USP31: variants seen among roughly 807,000 people sequenced by gnomAD.
The protein encoded by USP31 is ubiquitin specific peptidase 31.
USP31 carries 44 observed loss-of-function variants against 119.4 expected under a neutral mutation model. The ratio of observed to expected loss-of-function variants is 0.37; its 90% CI spans 0.29 to 0.47. USP31 has a LOEUF of 0.47. USP31 is among the 20% of genes least tolerant of loss of function. USP31 has a pLI of 0.99. For missense variants in USP31, 1,643 were observed against 1,730.2 expected, an observed-to-expected ratio of 0.95 and a Z score of 0.89; for synonymous variants, 749 against 705.6, an observed-to-expected ratio of 1.06 and a Z score of -0.97.
At chr16:23,138,971 C>T (rs1346652807) in intron 1 of USP31, among the ~76,000 whole-genome samples, 2 of 152,210 alleles carry the variant, frequency 1.3e-5, no homozygotes, top group African/African-American at 2.4e-5. Flanking sequence ...GCATGGGCCA[C>T]TTCACTCATC....
intron 1 of USP31, among the ~76,000 whole-genome samples, chr16:23,110,735 A>T (rs1393876986): frequency 6.6e-6 from 1 of 152,204 alleles, no homozygotes; most frequent in Non-Finnish European, 1.5e-5. Flanking sequence ...ATAATGACTC[A>T]GTGTGATGAA....
At chr16:23,108,825 G>C (rs1338029997) in intron 1 of USP31, among the ~76,000 whole-genome samples, 1 of 151,964 alleles carries the variant, frequency 6.6e-6, no homozygotes, top group Admixed American at 6.6e-5. Context: ...TAAAAGTTTT[G>C]TTTCAAACTT....
Position 23,113,780 on chromosome 16 carries a change from A to AG in USP31, c.634-5598dup, listed in dbSNP as rs1213998905. On this transcript the variant is annotated intron_variant, in intron 1 of 15. Coordinates refer to ENST00000219689, the MANE Select transcript of USP31 (RefSeq NM_020718.4). Reference sequence around the variant, plus strand: ...GCAGAGGGACCCACAGGCTAAGGGAAGAGCTAACAGAAAGGAGATATCTGA... The same window carrying AG: ...GCAGAGGGACCCACAGGCTAAGGGAAGGAGCTAACAGAAAGGAGATATCTGA... 2.0e-5 allele frequency among the ~76,000 whole-genome samples: 3 copies of AG among 152,170 alleles called. No homozygotes were observed. The East Asian group carries it at 5.8e-4, about 29-fold the overall frequency.
At position 23,149,131 on chromosome 16, in the gene USP31, G is replaced by A. The variant is rs1219767049; in HGVS notation, c.140C>T (p.Ala47Val). Residue 47 changes from alanine (A) to valine (V), a missense_variant, in exon 1 of 16, where the codon GCC (alanine) becomes GTC (valine). By Grantham distance (64) the Ala-to-Val change is moderately conservative. Around this residue, in one of 5 missense-constraint regions of USP31, gnomAD observed 302 missense variants for 262.6 expected, o/e 1.15. Coordinates refer to ENST00000219689, the MANE Select transcript of USP31 (RefSeq NM_020718.4). Reference sequence around the variant, plus strand: ...GGGCGAGGAGGGCGAGGAAGGCGCGGCCGGCCCGGACGCCCCGGGGCCCCC... The same window carrying A: ...GGGCGAGGAGGGCGAGGAAGGCGCGACCGGCCCGGACGCCCCGGGGCCCCC... ...GAGGPGASGP[A>V]APSSPSSPSS... is the part of the protein sequence containing the mutation. 3.2e-6 allele frequency: 4 copies of A among 1,250,242 alleles called. No individual in the cohort carries two copies. The highest frequency in any genetic ancestry group is 2.9e-5 in the Admixed American group (1 of 34,366). The allele number at this position is 1,250,242 out of a possible 1,614,324, so 77.4% of individuals were successfully genotyped here. A position where few individuals can be genotyped will look rare whatever the true frequency, so the allele number is the denominator to read the frequency against.
At chr16:23,077,297 G>A (rs1421906297) in intron 13 of USP31, among the ~76,000 whole-genome samples, 1 of 152,146 alleles carries the variant, frequency 6.6e-6, no homozygotes, top group Non-Finnish European at 1.5e-5. Flanking sequence ...AATATTTAAA[G>A]AACTTCAGGC....
At chr16:23,143,926 A>G (rs1221520371) in intron 1 of USP31, among the ~76,000 whole-genome samples, 1 of 152,166 alleles carries the variant, frequency 6.6e-6, no homozygotes, top group Non-Finnish European at 1.5e-5. Context: ...CCGTGTTGAA[A>G]ACCAGTGCTC....
chr16:23,091,863 C>T (rs2141854293), intron 6 of USP31, among the ~76,000 whole-genome samples: 1 of 152,298 alleles, frequency 6.6e-6, no homozygotes, highest in South Asian at 2.1e-4. Context: ...AGGAGTAGAT[C>T]TTACTTCCTA....
chr16:23,095,481 T>C (rs1043358701), intron 6 of USP31, among the ~76,000 whole-genome samples: 6 of 152,060 alleles, frequency 3.9e-5, no homozygotes, highest in Non-Finnish European at 7.4e-5. Context: ...ACATTCAAAT[T>C]CAGGAAATAT....
At chr16:23,110,550 A>T (rs1479960009) in intron 1 of USP31, among the ~76,000 whole-genome samples, 1 of 152,220 alleles carries the variant, frequency 6.6e-6, no homozygotes, top group East Asian at 1.9e-4. Context: ...CAGTAAAGTC[A>T]GAGGCCAGCT....
In USP31 at chr16:23,149,147, C is replaced by G; in HGVS notation, c.124G>C (p.Gly42Arg). The change falls in exon 1 of 16, where the codon GGG (glycine) becomes CGG (arginine). Residue 42 changes from glycine (G) to arginine (R), a missense_variant. By Grantham distance (125) the Gly-to-Arg change is moderately radical. Around this residue, in one of 5 missense-constraint regions of USP31, gnomAD observed 302 missense variants for 262.6 expected, o/e 1.15. Coordinates refer to ENST00000219689, the MANE Select transcript of USP31 (RefSeq NM_020718.4). ...GAAGGCGCGGCCGGCCCGGACGCCC[C>G]GGGGCCCCCCGCGCCGCCGCCGCCA... The part of the protein sequence containing the change: ...RAGGGGAGGP[G>R]ASGPAAPSSP... 1.7e-6 allele frequency: 2 copies of G among 1,183,250 alleles called. No homozygotes were observed. The highest frequency in any genetic ancestry group is 2.1e-6 in the Non-Finnish European group (2 of 949,982). The allele number at this position is 1,183,250 out of a possible 1,614,324, so 73.3% of individuals were successfully genotyped here.
At chr16:23,090,919 T>C (rs1209802280) in intron 6 of USP31, 115 bp from the exon 7 acceptor site, 2 of 941,188 alleles carry the variant, frequency 2.1e-6, no homozygotes, top group African/African-American at 3.3e-5. Context: ...TTATGTAAAT[T>C]AAACTGCAAT....
intron 13 of USP31, among the ~76,000 whole-genome samples, chr16:23,076,387 C>G (rs777514082): frequency 1.3e-4 from 20 of 151,896 alleles, no homozygotes; most frequent in Non-Finnish European, 1.0e-4. Flanking sequence ...CTCTAAACAT[C>G]TCATATACTA....
In USP31 at chr16:23,069,308, C is replaced by G. The variant is rs1482952700; in HGVS notation, c.2797G>C (p.Glu933Gln). 6.2e-7 allele frequency: 1 copy of G among 1,607,494 alleles called. No individual in the cohort carries two copies. The highest frequency in any genetic ancestry group is 1.7e-5 in the Admixed American group (1 of 59,558). ...QEPSDSHSRR[E>Q]HKAVGRAPLA... is the part of the protein sequence containing the mutation. Reference sequence around the variant, plus strand: ...GGGGCCCGGCCCACAGCCTTGTGCTCACGGCGACTATGACTGTCGCTTGGT... The same window carrying G: ...GGGGCCCGGCCCACAGCCTTGTGCTGACGGCGACTATGACTGTCGCTTGGT... Residue 933 changes from glutamate to glutamine, a missense_variant, in exon 16 of 16, where the codon GAG becomes CAG. Physicochemically the swap from Glu to Gln is conservative, Grantham distance 29. Around this residue, in one of 5 missense-constraint regions of USP31, gnomAD observed 699 missense variants for 650.9 expected, o/e 1.07. Transcript: ENST00000219689.
At position 23,069,290 on chromosome 16, in the gene USP31, G is replaced by A. The variant is rs548971792; in HGVS notation, c.2815C>T (p.Arg939Trp). 1.2e-5 allele frequency: 20 copies of A among 1,611,234 alleles called. No individual in the cohort carries two copies. Among genetic ancestry groups the A allele is most frequent in the Middle Eastern group, 1.7e-4 (1 of 6,050 alleles). Residue 939 changes from arginine (R) to tryptophan (W), a missense_variant, in exon 16 of 16, where the codon CGG becomes TGG. Coordinates refer to ENST00000219689, the MANE Select transcript of USP31 (RefSeq NM_020718.4). ...HSRREHKAVG[R>W]APLAVMEGVF... ...CCTTCCATGACAGCCAGAGGGGCCC[G>A]GCCCACAGCCTTGTGCTCACGGCGA...
rs1491352343 is a variant in USP31 at position 23,067,914 on chromosome 16, C to CACACAA, written c.*131_*132insTTGTGT. ...AATTAGACACACACACGCATACACTCACACACACACACACAGTCGGGCACG... is the reference window on the plus strand; with the variant it reads ...AATTAGACACACACACGCATACACTCACACAAACACACACACACACAGTCGGGCACG... On this transcript the variant is annotated 3_prime_UTR_variant, in exon 16 of 16. Transcript: ENST00000219689. 1.3e-4 allele frequency: 102 copies of CACACAA among 814,758 alleles called. 1 individual carries two copies. The highest frequency in any genetic ancestry group is 1.7e-4 in the Non-Finnish European group (101 of 596,424). 50.5% of individuals were successfully genotyped at this position (814,758 alleles called of 1,614,324 possible).
intron 1 of USP31, among the ~76,000 whole-genome samples, chr16:23,110,022 C>T (rs1567239364): frequency 6.6e-6 from 1 of 152,022 alleles, no homozygotes; most frequent in South Asian, 2.1e-4. Context: ...ACTGGGGAAA[C>T]CTGAATAAAG....
intron 15 of USP31, among the ~76,000 whole-genome samples, chr16:23,071,076 G>T (rs1158215484): frequency 2.0e-5 from 3 of 152,166 alleles, no homozygotes; most frequent in African/African-American, 7.2e-5. Context: ...TTTTCCATAA[G>T]ATGTGAGGAG....
intron 1 of USP31, among the ~76,000 whole-genome samples, chr16:23,117,732 G>A (rs955247990): frequency 2.7e-5 from 4 of 149,370 alleles, no homozygotes; most frequent in Non-Finnish European, 4.5e-5. Context: ...ATTCTACTAC[G>A]TTTGATTTTT....
chr16:23,076,611 G>A (rs2141834805), intron 13 of USP31, among the ~76,000 whole-genome samples: 1 of 152,282 alleles, frequency 6.6e-6, no homozygotes, highest in Admixed American at 6.5e-5. Context: ...AAACTGTACT[G>A]CCTCTAAGGT....
Sources: gnomAD v4.1 joint callset for allele counts (sites outside exome capture counted in the v4.1 genomes callset) on GRCh38, gnomAD v4.1.1 for gene constraint, gnomAD v4.1.1 regional missense constraint, MANE v1.5 for transcripts, NCBI Gene and HGNC (gene_info 2026-07-23, HGNC 2026-07-21) for gene names.